The following GNB4 variants were observed in gnomAD, a reference collection of about 807,000 sequenced individuals.
GNB4 encodes G protein subunit beta 4.
In GNB4, 28 loss-of-function variants were observed where a neutral mutation model predicts 45.2. That is an observed-to-expected ratio of 0.62 (90% confidence interval 0.46 to 0.85). The LOEUF (loss-of-function observed/expected upper bound fraction) is 0.85. Ranked by LOEUF, GNB4 falls within the 40% of genes least tolerant of loss-of-function variation. The probability of loss-of-function intolerance (pLI) is 0.00; values close to 1 mark genes in which losing one functional copy is unlikely to be tolerated. For synonymous variants in GNB4, 132 were observed against 143.7 expected, an observed-to-expected ratio of 0.92 and a Z score of 0.58; for missense variants, 321 against 425.4, an observed-to-expected ratio of 0.75 and a Z score of 2.16.
At chr3:179,415,523 T>C (rs1357828063) in intron 5 of GNB4, among the ~76,000 whole-genome samples, 3 of 151,910 alleles carry the variant, frequency 2.0e-5, no homozygotes, top group African/African-American at 4.8e-5. Context: ...CCTCTATTAA[T>C]AGGCCCTTAT....
chr3:179,403,432 G>C (rs1039965432), intron 9 of GNB4, among the ~76,000 whole-genome samples: 23 of 151,944 alleles, frequency 1.5e-4, no homozygotes, highest in African/African-American at 5.3e-4. Flanking sequence ...TTAACAGAAG[G>C]GTGGAAACCT....
At chr3:179,474,889 T>C in the GNB4 span, among the ~76,000 whole-genome samples, 4 of 151,842 alleles carry the variant, frequency 2.6e-5, no homozygotes, top group Admixed American at 2.6e-4. Flanking sequence ...AGTGCTGGAA[T>C]TACAGGCATG....
chr3:179,402,272 G>C (rs1423653579), intron 9 of GNB4, among the ~76,000 whole-genome samples: 1 of 152,148 alleles, frequency 6.6e-6, no homozygotes. Context: ...AGTTCCAGTT[G>C]AGCCAACCTG....
chr3:179,475,952 T>G, the GNB4 span, among the ~76,000 whole-genome samples: 1 of 152,250 alleles, frequency 6.6e-6, no homozygotes, highest in South Asian at 2.1e-4. Context: ...ACATCCAAAC[T>G]GCCTCTGGTC....
the GNB4 span, among the ~76,000 whole-genome samples, chr3:179,495,558 AAGAAAGAAAG>A: frequency 3.3e-5 from 5 of 150,576 alleles, no homozygotes; most frequent in Non-Finnish European, 7.4e-5. Flanking sequence ...AAGAAAAGAA[AAGAAAGAAAG>A]AGAAAGAAAG....
chr3:179,490,219 A>G, the GNB4 span, among the ~76,000 whole-genome samples: 114,068 of 152,142 alleles, frequency 0.75, 43,183 homozygotes, highest in East Asian at 0.98. Flanking sequence ...AATGACTTTC[A>G]TATTTTTTCC....
the GNB4 span, among the ~76,000 whole-genome samples, chr3:179,468,035 A>AAAAAAAAAAATATATAT: frequency 6.7e-4 from 60 of 89,864 alleles, 3 homozygotes; most frequent in African/African-American, 1.4e-3. Context: ...TGTTGATAAA[A>AAAAAAAAAAATATATAT]ATATATATAT....
At chr3:179,511,139 C>A in the GNB4 span, among the ~76,000 whole-genome samples, 1 of 152,188 alleles carries the variant, frequency 6.6e-6, no homozygotes, top group Admixed American at 6.5e-5. Context: ...TCACCATGTT[C>A]CACCTGCTCA....
intron 1 of GNB4, among the ~76,000 whole-genome samples, chr3:179,436,733 G>C (rs993829844): frequency 1.3e-5 from 2 of 152,186 alleles, no homozygotes; most frequent in African/African-American, 2.4e-5. Context: ...GTGGATAAGA[G>C]AGGAAAACAG....
At chr3:179,517,049 G>A in the GNB4 span, among the ~76,000 whole-genome samples, 1 of 152,118 alleles carries the variant, frequency 6.6e-6, no homozygotes. Context: ...TAACAGCATG[G>A]TGGTGCAGGA....
the GNB4 span, among the ~76,000 whole-genome samples, chr3:179,457,365 T>C: frequency 6.6e-6 from 1 of 152,228 alleles, no homozygotes; most frequent in Non-Finnish European, 1.5e-5. Context: ...TAAAGCTACA[T>C]TCCACTGGTT....
intron 1 of GNB4, among the ~76,000 whole-genome samples, chr3:179,443,403 G>C (rs534651272): frequency 6.6e-6 from 1 of 152,126 alleles, no homozygotes; most frequent in Non-Finnish European, 1.5e-5. Context: ...GCCAGGTGTG[G>C]TGGTGCATGC....
intron 1 of GNB4, among the ~76,000 whole-genome samples, chr3:179,445,076 T>C (rs1046033849): frequency 3.9e-4 from 59 of 152,278 alleles, no homozygotes; most frequent in African/African-American, 1.3e-3. Context: ...CTAGCAATTA[T>C]TAGTTCTTTG....
chr3:179,462,200 C>G, the GNB4 span, among the ~76,000 whole-genome samples: 3 of 150,666 alleles, frequency 2.0e-5, no homozygotes, highest in Non-Finnish European at 4.4e-5. Flanking sequence ...GTGTGCTATT[C>G]TCATGAACTG....
intron 9 of GNB4, among the ~76,000 whole-genome samples, chr3:179,404,634 G>A (rs916739495): frequency 4.6e-5 from 7 of 152,134 alleles, no homozygotes; most frequent in African/African-American, 1.7e-4. Context: ...CTGTGTTTTG[G>A]TAACAAGCTA....
the GNB4 span, among the ~76,000 whole-genome samples, chr3:179,508,002 G>C: frequency 6.6e-6 from 1 of 152,182 alleles, no homozygotes; most frequent in African/African-American, 2.4e-5. Context: ...TTGATACTGA[G>C]AGGTTGGGAG....
At chr3:179,457,212 T>C in the GNB4 span, among the ~76,000 whole-genome samples, 1 of 152,370 alleles carries the variant, frequency 6.6e-6, no homozygotes, top group South Asian at 2.1e-4. Flanking sequence ...AAAGGATTCA[T>C]GAATTCAGAC....
chr3:179,469,745 A>G, the GNB4 span, among the ~76,000 whole-genome samples: 1 of 152,342 alleles, frequency 6.6e-6, no homozygotes, highest in African/African-American at 2.4e-5. Flanking sequence ...CTCTCTTTCC[A>G]CCACAGTGTT....
rs1223592317 is a variant in GNB4, at chr3:179,449,716, T to A, written c.-43+1630A>T. ...CAGAAGAGATATTTTAATAAATAAG[T>A]CCATAACAGACGCAGATTAAAATAG... On this transcript the variant is annotated intron_variant, in intron 1 of 9. Coordinates refer to ENST00000232564, the MANE Select transcript of GNB4 (RefSeq NM_021629.4). 2.0e-5 allele frequency among the ~76,000 whole-genome samples: 3 copies of A among 152,140 alleles called. No homozygotes were observed. In the East Asian group the frequency reaches 5.8e-4, roughly 29 times the overall value.
Sources: gnomAD v4.1 joint callset for allele counts (sites outside exome capture counted in the v4.1 genomes callset) on GRCh38, gnomAD v4.1.1 for gene constraint, MANE v1.5 for transcripts, NCBI Gene and HGNC (gene_info 2026-07-23, HGNC 2026-07-21) for gene names.